ATP8A2: variants seen among roughly 807,000 people sequenced by gnomAD.
ATP8A2 encodes ATPase phospholipid transporting 8A2, also known as phospholipid-transporting ATPase IB.
ATP8A2 carries 100 observed loss-of-function variants against 165.6 expected under a neutral mutation model. The ratio of observed to expected loss-of-function variants is 0.60; its 90% CI spans 0.51 to 0.71. The LOEUF (loss-of-function observed/expected upper bound fraction) is 0.71. Ranked by LOEUF, ATP8A2 falls within the 30% of genes least tolerant of loss-of-function variation. The pLI, the probability that ATP8A2 is intolerant of heterozygous loss-of-function variation, is 0.00. For missense variants in ATP8A2, 1,227 were observed against 1,479.5 expected (o/e 0.83, Z 2.80); for synonymous variants, 543 against 548.8 (o/e 0.99, Z 0.15).
At chr13:25,692,585 A>T (rs1425829801) in intron 24 of ATP8A2, among the ~76,000 whole-genome samples, 1 of 152,196 alleles carries the variant, frequency 6.6e-6, no homozygotes, top group African/African-American at 2.4e-5. Flanking sequence ...TAACAGTGGA[A>T]CCACCTTTTG....
intron 24 of ATP8A2, among the ~76,000 whole-genome samples, chr13:25,670,662 TC>T (rs2137747079): frequency 6.6e-6 from 1 of 152,322 alleles, no homozygotes; most frequent in South Asian, 2.1e-4. Context: ...AAGAGCCTCT[TC>T]TTTGACTACC....
chr13:25,577,027 G>A (rs745470742), intron 19 of ATP8A2, 42 bp from the exon 20 acceptor site: 4 of 1,556,810 alleles, frequency 2.6e-6, no homozygotes, highest in Admixed American at 3.3e-5. Flanking sequence ...TATGCATCCT[G>A]TAAACAGACC....
chr13:25,446,918 C>T (rs1322071726), intron 1 of ATP8A2, among the ~76,000 whole-genome samples: 1 of 152,098 alleles, frequency 6.6e-6, no homozygotes, highest in Non-Finnish European at 1.5e-5. Context: ...TGCAATGGCG[C>T]AACCATGGCT....
chr13:25,557,924 A>G (rs569857132), intron 13 of ATP8A2, among the ~76,000 whole-genome samples: 63 of 151,436 alleles, frequency 4.2e-4, no homozygotes, highest in African/African-American at 1.4e-3. Flanking sequence ...TTTTTTTGAG[A>G]TGAAGTTTCA....
At chr13:25,424,106 G>T (rs1233365729) in intron 1 of ATP8A2, among the ~76,000 whole-genome samples, 2 of 152,186 alleles carry the variant, frequency 1.3e-5, no homozygotes, top group Admixed American at 6.5e-5. Flanking sequence ...GTGGGAAATA[G>T]AGCTGAGAAG....
At chr13:25,531,290 A>ATATATATGT (rs1156394513) in intron 4 of ATP8A2, among the ~76,000 whole-genome samples, 1 of 51,764 alleles carries the variant, frequency 1.9e-5, no homozygotes, top group Non-Finnish European at 4.5e-5. Flanking sequence ...GTTATATATG[A>ATATATATGT]TATATATGTT....
chr13:25,912,967 C>G (rs1251090929), intron 33 of ATP8A2, among the ~76,000 whole-genome samples: 2 of 152,206 alleles, frequency 1.3e-5, no homozygotes, highest in African/African-American at 2.4e-5. Flanking sequence ...GCGTCTCCCT[C>G]CCAACTTGTC....
rs143559340 is a variant in ATP8A2 at position 25,659,405 on chromosome 13, C to T, written c.2212-39768C>T. Among the ~76,000 whole-genome samples the T allele has an allele frequency of 2.2e-4, 33 of 152,252 alleles. No homozygotes were observed. The South Asian group carries it at 3.1e-3, about 14-fold the overall frequency. On this transcript the variant is annotated intron_variant, in intron 24 of 36. Coordinates refer to ENST00000381655, the MANE Select transcript of ATP8A2 (RefSeq NM_016529.6). The stretch of plus-strand genomic sequence containing the variant: ...GTTTTGAGGCCAACTGCATGCCAGG[C>T]GCCTTTCAATGGTTGTCTGTCTGAG...
chr13:25,895,039 C>G (rs1192392511), intron 33 of ATP8A2, among the ~76,000 whole-genome samples: 1 of 152,164 alleles, frequency 6.6e-6, no homozygotes, highest in Non-Finnish European at 1.5e-5. Context: ...CTTCTCCTGC[C>G]TGATTGCCCT....
At position 25,566,046 on chromosome 13, in the gene ATP8A2, A is replaced by G. The variant is rs942517584; in HGVS notation, c.1473+2015A>G. Among the ~76,000 whole-genome samples the G allele has an allele frequency of 1.9e-4, 29 of 152,164 alleles. 1 individual carries two copies. The highest frequency in any genetic ancestry group is 6.5e-4 in the African/African-American group (27 of 41,424). On this transcript the variant is annotated intron_variant, in intron 16 of 36. Coordinates refer to ENST00000381655, the MANE Select transcript of ATP8A2 (RefSeq NM_016529.6). Reference sequence around the variant, plus strand: ...TTCCAAATTTCCAAAATTTTAAGAGACAGATATATTTAAAACTTTTTCTAA... The same window carrying G: ...TTCCAAATTTCCAAAATTTTAAGAGGCAGATATATTTAAAACTTTTTCTAA...
At position 25,840,741 on chromosome 13, in the gene ATP8A2, G is replaced by C. The variant is rs536329706; in HGVS notation, c.2956+1117G>C. 5.3e-5 allele frequency among the ~76,000 whole-genome samples: 8 copies of C among 152,306 alleles called. No individual in the cohort carries two copies. In the South Asian group the frequency reaches 1.7e-3, roughly 32 times the overall value. On this transcript the variant is annotated intron_variant, in intron 30 of 36. Transcript: ENST00000381655. ...GTGTATACGTATAAGAGTTTGGGATGTGATTTTGTTTCAGAGGCTGTGATA... is the reference window on the plus strand; with the variant it reads ...GTGTATACGTATAAGAGTTTGGGATCTGATTTTGTTTCAGAGGCTGTGATA...
chr13:25,991,145 C>T (rs139558195), intron 35 of ATP8A2, among the ~76,000 whole-genome samples: 4 of 152,206 alleles, frequency 2.6e-5, no homozygotes, highest in South Asian at 2.1e-4. Context: ...TCTCCCCACC[C>T]GCTTTAAAGG....
At chr13:25,866,741 T>G (rs902951364) in intron 33 of ATP8A2, among the ~76,000 whole-genome samples, 2 of 152,166 alleles carry the variant, frequency 1.3e-5, no homozygotes, top group African/African-American at 2.4e-5. Context: ...AATCTCCAGG[T>G]GATTCTTCCC....
At chr13:25,666,548 A>G (rs9553644) in intron 24 of ATP8A2, among the ~76,000 whole-genome samples, 19,056 of 152,210 alleles carry the variant, frequency 0.13, 1,360 homozygotes, top group Admixed American at 0.2. Context: ...CCAGAATATT[A>G]GTTTTTAAAT....
chr13:25,585,064 C>T (rs967513742), intron 23 of ATP8A2, among the ~76,000 whole-genome samples: 3 of 152,126 alleles, frequency 2.0e-5, no homozygotes, highest in Non-Finnish European at 4.4e-5. Context: ...AAAAAACACA[C>T]AGTCAAATCA....
At chr13:25,741,435 C>T (rs1047976512) in intron 25 of ATP8A2, among the ~76,000 whole-genome samples, 1 of 152,174 alleles carries the variant, frequency 6.6e-6, no homozygotes, top group Admixed American at 6.5e-5. Flanking sequence ...GGCTGGAGTG[C>T]AATGGCATGA....
intron 27 of ATP8A2, among the ~76,000 whole-genome samples, chr13:25,796,003 G>A (rs1351648002): frequency 6.6e-6 from 1 of 151,638 alleles, no homozygotes; most frequent in African/African-American, 2.4e-5. Context: ...AGGCTGGAGT[G>A]CAGTAGCACG....
rs2137668240 is a variant in ATP8A2 at position 25,495,893 on chromosome 13, T to C, written c.221+26772T>C. Among the ~76,000 whole-genome samples, 3 of 152,276 alleles carry C rather than the reference T, an allele frequency of 2.0e-5. No homozygotes were observed. The South Asian group carries it at 6.2e-4, about 32-fold the overall frequency. Reference sequence around the variant, plus strand: ...CTGCTTGGTTCGAATATATTTCATCTTTCTGGATTAAAACCCTTTGAACAA... The same window carrying C: ...CTGCTTGGTTCGAATATATTTCATCCTTCTGGATTAAAACCCTTTGAACAA... On this transcript the variant is annotated intron_variant, in intron 2 of 36. Transcript: ENST00000381655.
intron 33 of ATP8A2, among the ~76,000 whole-genome samples, chr13:25,866,350 A>C (rs1476458023): frequency 6.6e-6 from 1 of 152,172 alleles, no homozygotes; most frequent in Non-Finnish European, 1.5e-5. Context: ...TGAAGATATA[A>C]TAGGCTAACC....
Sources: allele counts gnomAD v4.1 joint callset (sites outside exome capture counted in the v4.1 genomes callset), GRCh38; gene constraint gnomAD v4.1.1; transcripts MANE v1.5; gene names NCBI Gene and HGNC (gene_info 2026-07-23, HGNC 2026-07-21).